The following LARGE2 variants were observed in gnomAD, a reference collection of about 807,000 sequenced individuals.
The protein encoded by LARGE2 is LARGE xylosyl- and glucuronyltransferase 2, also known as xylosyl- and glucuronyltransferase LARGE2.
A neutral mutation model predicts 75.3 loss-of-function variants in LARGE2; 63 were observed. The ratio of observed to expected loss-of-function variants is 0.84; its 90% CI spans 0.68 to 1.03. LARGE2 has a LOEUF of 1.03. Among genes scored for constraint, LARGE2 ranks in the 50% least tolerant of loss-of-function variants. The pLI is 0.00. For missense variants in LARGE2, 925 were observed against 980.6 expected, an observed-to-expected ratio of 0.94 and a Z score of 0.76; for synonymous variants, 428 against 420.1, an observed-to-expected ratio of 1.02 and a Z score of -0.23.
In LARGE2 at chr11:45,926,205, T is replaced by C; in HGVS notation, c.883-17T>C. 1.2e-6 allele frequency: 2 copies of C among 1,613,426 alleles called. No homozygotes were observed. The highest frequency in any genetic ancestry group is 8.5e-7 in the Non-Finnish European group (1 of 1,179,664). ...TGGCAGGCTGGGGGCTGGGATGTGA[T>C]GGGTGTCTCTGCTCAGGACATCTTC... On this transcript the variant is annotated splice_polypyrimidine_tract_variant and intron_variant, in intron 7 of 13. Coordinates refer to ENST00000401752, the MANE Select transcript of LARGE2 (RefSeq NM_001300721.2).
rs377283060 is a variant in LARGE2 at position 45,926,169 on chromosome 11, C to A, written c.882+18C>A. On this transcript the variant is annotated intron_variant, in intron 7 of 13. Transcript: ENST00000401752. ...CTGACCAGGTCTGAGGAAGCCTTGC[C>A]GGGTGGGGTGTGGCAGGCTGGGGGC... The A allele has an allele frequency of 1.9e-6, 3 of 1,604,162 alleles. No individual in the cohort carries two copies. The highest frequency in any genetic ancestry group is 2.6e-6 in the Non-Finnish European group (3 of 1,175,222).
chr11:45,921,656 A>C (rs2086925330), upstream of LARGE2: 1 of 152,256 alleles, frequency 6.6e-6, no homozygotes, highest in Non-Finnish European at 1.5e-5. Flanking sequence ...AGTGCTAGCC[A>C]GCCCTGGGAG....
At chr11:45,924,754 C>T (rs912951142) in intron 5 of LARGE2, 31 bp from the exon 6 acceptor site, 1 of 1,521,590 alleles carries the variant, frequency 6.6e-7, no homozygotes, top group East Asian at 2.4e-5. Context: ...GTGGCAGCTT[C>T]AGACAGCTCC....
chr11:45,926,252 C>T lies in LARGE2; in HGVS notation c.913C>T (p.Pro305Ser), dbSNP rs765031573. ...DIFNAVIKEH[P>S]GLVQRLPCVW... ...CTTCAACGCTGTGATCAAGGAGCAC[C>T]CGGGGCTAGTGCAGCGTCTGCCTTG... is the stretch of plus-strand genomic sequence containing the variant. The change falls in exon 8 of 14, where the codon CCG (proline) becomes TCG (serine). Residue 305 changes from proline to serine, a missense_variant. Pro to Ser is a moderately conservative substitution (Grantham distance 74). Around this residue, in one of 3 missense-constraint regions of LARGE2, gnomAD observed 453 missense variants for 460.2 expected, o/e 0.98. Coordinates refer to ENST00000401752, the MANE Select transcript of LARGE2 (RefSeq NM_001300721.2). 44 of 1,614,020 alleles carry T rather than the reference C, an allele frequency of 2.7e-5. No individual in the cohort carries two copies. Among genetic ancestry groups the T allele is most frequent in the Non-Finnish European group, 3.5e-5 (41 of 1,180,014 alleles).
Position 45,928,165 on chromosome 11 carries a change from C to A in LARGE2, c.1755-12C>A, listed in dbSNP as rs1400924413. On this transcript the variant is annotated splice_polypyrimidine_tract_variant and intron_variant, in intron 12 of 13. Coordinates refer to ENST00000401752, the MANE Select transcript of LARGE2 (RefSeq NM_001300721.2). ...AGCCTCAGCCTGGCTCCCACCCGAC[C>A]CTGCTGCACAGGTACCACGAGTGGC... 5 of 1,613,378 alleles carry A rather than the reference C, an allele frequency of 3.1e-6. No individual in the cohort carries two copies. The highest frequency in any genetic ancestry group is 4.2e-6 in the Non-Finnish European group (5 of 1,179,930).
chr11:45,923,208 C>T (rs1175825207), intron 2 of LARGE2, 41 bp downstream of exon 2: 2 of 1,316,580 alleles, frequency 1.5e-6, no homozygotes, highest in Non-Finnish European at 1.9e-6. Flanking sequence ...CCTGGGGGCG[C>T]CGCCCCCGAG....
Position 45,926,932 on chromosome 11 carries a change from A to G in LARGE2, c.1325+61A>G, listed in dbSNP as rs1272913998. On this transcript the variant is annotated intron_variant, in intron 10 of 13. Transcript: ENST00000401752. ...TGGGCTGGGGTTGGACACTTCTGAGAGGAGGTTCCATCTGGCAGCCTGATG... is the reference window on the plus strand; with the variant it reads ...TGGGCTGGGGTTGGACACTTCTGAGGGGAGGTTCCATCTGGCAGCCTGATG... The G allele has an allele frequency of 3.3e-6, 5 of 1,503,918 alleles. No individual in the cohort carries two copies. The African/African-American group carries it at 6.9e-5, about 21-fold the overall frequency. The allele number at this position is 1,503,918 out of a possible 1,614,324, so 93.2% of individuals were successfully genotyped here.
In LARGE2 at chr11:45,928,004, C is replaced by T. The variant is rs2087293770; in HGVS notation, c.1689C>T (p.Phe563=). The T allele has an allele frequency of 6.2e-7, 1 of 1,614,010 alleles. No individual in the cohort carries two copies. The highest frequency in any genetic ancestry group is 8.5e-7 in the Non-Finnish European group (1 of 1,180,030). Residue 563 remains phenylalanine (F), a synonymous_variant, in exon 12 of 14, where the codon TTC becomes TTT. Transcript: ENST00000401752. ...CATTCGAGACCCTGCGCTACCGCTTCAGCTTCCCCCATTCCAAGGTGGAGC... is the reference window on the plus strand; with the variant it reads ...CATTCGAGACCCTGCGCTACCGCTTTAGCTTCCCCCATTCCAAGGTGGAGC... ...VPAFETLRYR[F]SFPHSKVELL... is the part of the protein sequence containing the mutation.
rs931507165 is a variant in LARGE2 at position 45,924,496 on chromosome 11, C to T, written c.493-10C>T. 1.9e-6 allele frequency: 3 copies of T among 1,609,176 alleles called. No individual in the cohort carries two copies. In the Admixed American group the frequency reaches 5.0e-5, roughly 27 times the overall value. On this transcript the variant is annotated splice_polypyrimidine_tract_variant and intron_variant, in intron 4 of 13. Transcript: ENST00000401752. ...TCTGCCATCTCATCTCCTGCCTTTC[C>T]CCCACACAGCCCCAGGTCTCCTGGA...
chr11:45,926,042 T>C lies in LARGE2; in HGVS notation c.773T>C (p.Val258Ala). 6.4e-7 allele frequency: 1 copy of C among 1,554,678 alleles called. No individual in the cohort carries two copies. The highest frequency in any genetic ancestry group is 8.7e-7 in the Non-Finnish European group (1 of 1,148,628). Residue 258 changes from valine to alanine, a missense_variant, in exon 7 of 14, where the codon GTG (valine) becomes GCG (alanine). By Grantham distance (64) the Val-to-Ala change is moderately conservative. This residue lies in a region of LARGE2 where 453 missense variants were observed against 460.2 expected (regional missense o/e 0.98). Transcript: ENST00000401752. ...GACAGCATCTCTTCATTGGCAGGTGTGATCCTGCTGCGGCTGGACCGGCTC... is the reference window on the plus strand; with the variant it reads ...GACAGCATCTCTTCATTGGCAGGTGCGATCCTGCTGCGGCTGGACCGGCTC... ...PALGRGFNTG[V>A]ILLRLDRLRQ...
Position 45,924,183 on chromosome 11 carries a change from C to T in LARGE2, c.398C>T (p.Thr133Ile). ...AATCCACTGCACCTCCACTTGGTGA[C>T]TGACGCCGTGGCCAGAAACATCCTG... is the stretch of plus-strand genomic sequence containing the variant. Reference protein sequence around the residue: ...RKNPLHLHLVTDAVARNILET... With the variant: ...RKNPLHLHLVIDAVARNILET... The change falls in exon 4 of 14, where the codon ACT becomes ATT. Residue 133 changes from threonine (T) to isoleucine (I), a missense_variant. Coordinates refer to ENST00000401752, the MANE Select transcript of LARGE2 (RefSeq NM_001300721.2). 1 of 1,612,840 alleles carries T rather than the reference C, an allele frequency of 6.2e-7. No individual in the cohort carries two copies. Among genetic ancestry groups the T allele is most frequent in the Non-Finnish European group, 8.5e-7 (1 of 1,179,986 alleles).
chr11:45,923,954 C>CCAG (rs1158350094), intron 3 of LARGE2, among the ~76,000 whole-genome samples, 200 bp from the exon 4 acceptor site: 2 of 142,840 alleles, frequency 1.4e-5, no homozygotes, highest in Non-Finnish European at 3.0e-5. Context: ...CCACTGCACT[C>CCAG]CAGCCTGGGC....
Position 45,926,531 on chromosome 11 carries a change from C to A in LARGE2, c.1098C>A (p.Tyr366Ter). The A allele has an allele frequency of 6.2e-7, 1 of 1,614,132 alleles. No homozygotes were observed. Among genetic ancestry groups the A allele is most frequent in the Non-Finnish European group, 8.5e-7 (1 of 1,180,028 alleles). The change falls in exon 9 of 14, where the codon TAC becomes TAA. Residue 366 changes from tyrosine (Y) to a stop codon, truncating the protein, a stop_gained. Transcript: ENST00000401752. LOFTEE classifies it high-confidence loss of function. ...ATTTCTACCTGACCTTCCTGGAGTA[C>A]GATGGGAACCTGCTGCGGAGAGAGC... ...FRNFYLTFLE[Y>*]DGNLLRRELF...
Position 45,928,246 on chromosome 11 carries a change from C to T in LARGE2, c.1824C>T (p.Tyr608=), listed in dbSNP as rs775302195. The change falls in exon 13 of 14, where the codon TAC becomes TAT. Residue 608 remains tyrosine (Y), a synonymous_variant. Transcript: ENST00000401752. ...YARWREAQAP[Y]RVQWAANYEP... ...GCTGGCGGGAGGCTCAGGCCCCGTA[C>T]CGTGTGCAATGGGCGGCCAACTATG... 5.6e-6 allele frequency: 9 copies of T among 1,613,914 alleles called. No individual in the cohort carries two copies. In the African/African-American group the frequency reaches 1.1e-4, roughly 19 times the overall value.
chr11:45,926,924 C>A, intron 10 of LARGE2, 53 bp downstream of exon 10: 1 of 1,529,604 alleles, frequency 6.5e-7, no homozygotes, highest in Non-Finnish European at 8.8e-7. Flanking sequence ...GGGTTGGACA[C>A]TTCTGAGAGG....
At chr11:45,927,810 G>A in intron 11 of LARGE2, 110 bp from the exon 12 acceptor site, 1 of 1,547,508 alleles carries the variant, frequency 6.5e-7, no homozygotes, top group Non-Finnish European at 8.8e-7. Context: ...GTCGCATCAG[G>A]CAAGATGGCC....
At chr11:45,925,222 A>G (rs967065323) in intron 6 of LARGE2, among the ~76,000 whole-genome samples, 1 of 152,170 alleles carries the variant, frequency 6.6e-6, no homozygotes, top group South Asian at 2.1e-4. Flanking sequence ...ACTATTGACA[A>G]AAGTAGTCTA....
intron 2 of LARGE2, 139 bp downstream of exon 2, chr11:45,923,306 G>C (rs1458376555): frequency 5.5e-6 from 6 of 1,093,450 alleles, no homozygotes; most frequent in Non-Finnish European, 7.7e-6. Flanking sequence ...CGAACGTGCA[G>C]CTCCTCTGCT....
rs776541067 is a variant in LARGE2, at chr11:45,928,377, G to A, written c.1950+5G>A. On this transcript the variant is annotated splice_donor_5th_base_variant and intron_variant, in intron 13 of 13. Transcript: ENST00000401752. The stretch of plus-strand genomic sequence containing the variant: ...ATTGTGGAGCTGGATGCCCAGGTGA[G>A]GAGGGCACCTTGCTGCCTCCACCTT... The A allele has an allele frequency of 1.2e-6, 2 of 1,611,610 alleles. No homozygotes were observed. Among genetic ancestry groups the A allele is most frequent in the African/African-American group, 2.7e-5 (2 of 74,902 alleles).
Sources: gnomAD v4.1 joint callset for allele counts (sites outside exome capture counted in the v4.1 genomes callset) on GRCh38, gnomAD v4.1.1 for gene constraint, gnomAD v4.1.1 regional missense constraint, MANE v1.5 for transcripts, NCBI Gene and HGNC (gene_info 2026-07-23, HGNC 2026-07-21) for gene names.